Variants in PCDHGB3 observed in about 807,000 individuals in gnomAD.
PCDHGB3 encodes the protein protocadherin gamma subfamily B, 3.
Under a neutral mutation model 59.2 loss-of-function variants are expected in PCDHGB3, and 40 were observed. The ratio of observed to expected loss-of-function variants is 0.68; its 90% confidence interval spans 0.52 to 0.88. The LOEUF (loss-of-function observed/expected upper bound fraction) is 0.88, where lower values mean the gene tolerates loss of function less well. Ranked by LOEUF, PCDHGB3 falls within the 40% of genes least tolerant of loss-of-function variation. The pLI is 0.00. For synonymous variants in PCDHGB3, 581 were observed against 503.6 expected (o/e 1.15, Z -2.06); for missense variants, 1,309 against 1,187.9 (o/e 1.10, Z -1.50).
At chr5:141,375,071 A>T in intron 1 of PCDHGB3, 1 of 1,614,046 alleles carries the variant, frequency 6.2e-7, no homozygotes, top group Non-Finnish European at 8.5e-7. Context: ...TCTTCGAGAC[A>T]GAGCGAAAGT....
At chr5:141,400,279 G>C (rs1561676065) in intron 1 of PCDHGB3, 1 of 1,614,050 alleles carries the variant, frequency 6.2e-7, no homozygotes, top group African/African-American at 1.3e-5. Context: ...CTCCAGCCCT[G>C]CCGCCTGGAG....
chr5:141,381,758 A>C (rs1777407424), intron 1 of PCDHGB3, among the ~76,000 whole-genome samples: 1 of 151,374 alleles, frequency 6.6e-6, no homozygotes. Context: ...TTGTTCTACT[A>C]CTATATAATC....
chr5:141,429,390 A>ATT (rs1561841316), intron 1 of PCDHGB3, among the ~76,000 whole-genome samples: 8 of 150,216 alleles, frequency 5.3e-5, no homozygotes, highest in African/African-American at 1.7e-4. Flanking sequence ...TTTTTTTTAA[A>ATT]AAAAATTGAG....
chr5:141,391,847 A>T (rs1478301262), intron 1 of PCDHGB3: 1 of 152,232 alleles, frequency 6.6e-6, no homozygotes, highest in Non-Finnish European at 1.5e-5. Context: ...TGTAAAAGTC[A>T]AGTCTGCTTT....
chr5:141,461,830 CT>C (rs1030113508), intron 1 of PCDHGB3, among the ~76,000 whole-genome samples: 30 of 145,198 alleles, frequency 2.1e-4, no homozygotes, highest in Non-Finnish European at 2.4e-4. Flanking sequence ...ATTTTTTTTT[CT>C]TTTTTTTTTG....
At chr5:141,500,729 C>T (rs1434863449) in intron 2 of PCDHGB3, among the ~76,000 whole-genome samples, 2 of 152,130 alleles carry the variant, frequency 1.3e-5, no homozygotes, top group Non-Finnish European at 2.9e-5. Flanking sequence ...CCATGTCTTT[C>T]AAAATTCTTC....
At position 141,511,036 on chromosome 5, in the gene PCDHGB3, G is replaced by A. The variant is rs116366286; in HGVS notation, c.2653G>A (p.Val885Met). ...CGGACCCCAGTTCACCCTGCAGCAC[G>A]TGCCCGACTACCGCCAGAATGTCTA... is the stretch of plus-strand genomic sequence containing the variant. ...RYGPQFTLQH[V>M]PDYRQNVYIP... is the part of the protein sequence containing the mutation. Residue 885 changes from valine to methionine, a missense_variant, in exon 4 of 4, where the codon GTG becomes ATG. Physicochemically the swap from Val to Met is conservative, Grantham distance 21. Transcript: ENST00000576222. 5.5e-5 allele frequency: 89 copies of A among 1,614,198 alleles called. No individual in the cohort carries two copies. The highest frequency in any genetic ancestry group is 1.6e-4 in the Middle Eastern group (1 of 6,062).
At position 141,423,563 on chromosome 5, in the gene PCDHGB3, C is replaced by T. The variant is rs745802952; in HGVS notation, c.2415+50754C>T. 9.9e-6 allele frequency: 16 copies of T among 1,613,436 alleles called. No homozygotes were observed. In the Admixed American group the frequency reaches 2.3e-4, roughly 24 times the overall value. ...TTCCCCCAGCCCAACTATGGGGACA[C>T]GCTCATCAGCCAGGAGAGCTGTGAG... On this transcript the variant is annotated intron_variant, in intron 1 of 3. Coordinates refer to ENST00000576222, the MANE Select transcript of PCDHGB3 (RefSeq NM_018924.5).
At chr5:141,422,144 G>T in intron 1 of PCDHGB3, 1 of 1,583,520 alleles carries the variant, frequency 6.3e-7, no homozygotes, top group Non-Finnish European at 8.5e-7. Context: ...CAAGTACGGG[G>T]GTCTCTGGAT....
At chr5:141,396,821 G>A (rs934244827) in intron 1 of PCDHGB3, among the ~76,000 whole-genome samples, 5 of 152,314 alleles carry the variant, frequency 3.3e-5, no homozygotes, top group Middle Eastern at 3.4e-3. Context: ...ACTGTATGGT[G>A]CATATTCAGT....
chr5:141,473,848 A>T (rs1281010822), intron 1 of PCDHGB3, among the ~76,000 whole-genome samples: 1 of 152,198 alleles, frequency 6.6e-6, no homozygotes, highest in Non-Finnish European at 1.5e-5. Flanking sequence ...TTTTAGGAAG[A>T]TGAACCTCGC....
At position 141,371,163 on chromosome 5, in the gene PCDHGB3, G is replaced by C. The variant is rs79773129; in HGVS notation, c.769G>C (p.Ala257Pro). 1.0e-4 allele frequency: 165 copies of C among 1,613,984 alleles called. No individual in the cohort carries two copies. In the African/African-American group the frequency reaches 2.0e-3, roughly 19 times the overall value. ...GGTCAATGTTGCAGAGAACCTGCCC[G>C]CTGGCTCCTCCGTATTAAAAGTGAT... ...YRVNVAENLPAGSSVLKVMAI... is the reference protein window; with the variant it reads ...YRVNVAENLPPGSSVLKVMAI... Residue 257 changes from alanine to proline, a missense_variant, in exon 1 of 4, where the codon GCT becomes CCT. By Grantham distance (27) the Ala-to-Pro change is conservative (BLOSUM62 -1). Coordinates refer to ENST00000576222, the MANE Select transcript of PCDHGB3 (RefSeq NM_018924.5).
chr5:141,388,773 G>C, intron 1 of PCDHGB3: 4 of 1,613,808 alleles, frequency 2.5e-6, no homozygotes, highest in Non-Finnish European at 3.4e-6. Context: ...CTCTAACACC[G>C]GGGAAATTAC....
Position 141,490,672 on chromosome 5 carries a change from G to A in PCDHGB3, c.2416-4135G>A. ...GGGCTCCCTTCTTTGCACTGTGGCT[G>A]CCTCAGATCCAGACACTGGGGATAA... is the stretch of plus-strand genomic sequence containing the variant. On this transcript the variant is annotated intron_variant, in intron 1 of 3. Transcript: ENST00000576222. This position sits in a 1 kb window ranked among gnomAD's most constrained non-coding sequence, Gnocchi z 5.4. 1.2e-6 allele frequency: 2 copies of A among 1,614,114 alleles called. No homozygotes were observed. Among genetic ancestry groups the A allele is most frequent in the Non-Finnish European group, 1.7e-6 (2 of 1,179,996 alleles).
chr5:141,409,861 A>C, intron 1 of PCDHGB3: 1 of 1,612,406 alleles, frequency 6.2e-7, no homozygotes, highest in Non-Finnish European at 8.5e-7. Context: ...TGTTGGTGGG[A>C]GACCGCAATG....
intron 1 of PCDHGB3, among the ~76,000 whole-genome samples, chr5:141,437,629 G>A (rs538730617): frequency 6.6e-6 from 1 of 152,284 alleles, no homozygotes; most frequent in Non-Finnish European, 1.5e-5. Flanking sequence ...CATATAAGAT[G>A]TCAGGTTCAG....
intron 1 of PCDHGB3, among the ~76,000 whole-genome samples, chr5:141,405,806 C>T (rs2094720612): frequency 6.8e-6 from 1 of 146,048 alleles, no homozygotes. Context: ...TTAGCTTTCT[C>T]TTTAACTGTC....
rs576761049 is a variant in PCDHGB3, at chr5:141,372,029, C to A, written c.1635C>A (p.Asn545Lys). Residue 545 changes from asparagine (N) to lysine (K), a missense_variant, in exon 1 of 4, where the codon AAC becomes AAA. Asn to Lys is a moderately conservative substitution (Grantham distance 94). Coordinates refer to ENST00000576222, the MANE Select transcript of PCDHGB3 (RefSeq NM_018924.5). Reference protein sequence around the residue: ...RDQGSPTLSANVSLRVLVDDR... With the variant: ...RDQGSPTLSAKVSLRVLVDDR... ...AGGGCTCGCCTACGCTCAGCGCCAA[C>A]GTGAGCCTGCGCGTGTTGGTGGACG... 2.7e-5 allele frequency: 43 copies of A among 1,613,324 alleles called. No homozygotes were observed. Among genetic ancestry groups the A allele is most frequent in the Non-Finnish European group, 3.2e-5 (38 of 1,179,762 alleles).
chr5:141,394,627 C>T (rs563086120), intron 1 of PCDHGB3: 2 of 1,613,412 alleles, frequency 1.2e-6, no homozygotes, highest in East Asian at 2.2e-5. Context: ...GCCTGGCTGT[C>T]CTACCGCCTG....
Sources: allele counts gnomAD v4.1 joint callset (sites outside exome capture counted in the v4.1 genomes callset), GRCh38; gene constraint gnomAD v4.1.1; non-coding constraint Gnocchi (gnomAD v3.1); transcripts MANE v1.5; gene names NCBI Gene and HGNC (gene_info 2026-07-23, HGNC 2026-07-21).